The following CPEB1 variants were observed in gnomAD, a reference collection of about 807,000 sequenced individuals.
The protein encoded by CPEB1 is cytoplasmic polyadenylation element binding protein 1.
Under a neutral mutation model 65.8 loss-of-function variants are expected in CPEB1, and 7 were observed. That is an observed-to-expected ratio of 0.11 (90% CI 0.06 to 0.20). The LOEUF (loss-of-function observed/expected upper bound fraction) is 0.20, where lower values mean the gene tolerates loss of function less well. Ranked by LOEUF, CPEB1 falls within the 10% of genes least tolerant of loss-of-function variation. The pLI is 1.00. For missense variants in CPEB1, 551 were observed against 712.2 expected (o/e 0.77, Z 2.58); for synonymous variants, 262 against 260.0 (o/e 1.01, Z -0.08).
chr15:82,551,794 G>A (rs2036308598), intron 9 of CPEB1, among the ~76,000 whole-genome samples: 1 of 152,140 alleles, frequency 6.6e-6, no homozygotes, highest in South Asian at 2.1e-4. Context: ...ACCACCTGGG[G>A]ATCTTTATTC....
intron 4 of CPEB1, among the ~76,000 whole-genome samples, chr15:82,564,411 G>A (rs1474518661): frequency 1.3e-5 from 2 of 151,842 alleles, no homozygotes; most frequent in Non-Finnish European, 1.5e-5. Flanking sequence ...TCAGCCTCCC[G>A]AGTAGCTGGG....
chr15:82,551,810 G>A (rs999758966), intron 9 of CPEB1, among the ~76,000 whole-genome samples: 4 of 152,126 alleles, frequency 2.6e-5, no homozygotes, highest in Admixed American at 6.5e-5. Flanking sequence ...TATTCAGTTG[G>A]AGATTCCTAA....
intron 1 of CPEB1, chr15:82,638,533 G>T (rs2046847787): frequency 6.6e-6 from 1 of 152,124 alleles, no homozygotes; most frequent in Admixed American, 6.5e-5. Context: ...AACAAATAAA[G>T]TGAGCTATTT....
At chr15:82,574,107 A>G (rs1292486036) in intron 3 of CPEB1, among the ~76,000 whole-genome samples, 1 of 152,184 alleles carries the variant, frequency 6.6e-6, no homozygotes, top group Admixed American at 6.5e-5. Flanking sequence ...GGAGTTCTAC[A>G]CACAGTATAA....
chr15:82,553,804 A>C lies in CPEB1; in HGVS notation c.1054+74T>G. ...GGCAGGGCATTCAGCCCCTGGCCTC[A>C]ATTCCAAGTTTCATGCTCCTGAAAG... On this transcript the variant is annotated intron_variant, in intron 7 of 12. Transcript: ENST00000684509. 4.5e-6 allele frequency: 5 copies of C among 1,107,618 alleles called. No individual in the cohort carries two copies. In the South Asian group the frequency reaches 6.4e-5, roughly 14 times the overall value. The allele number at this position is 1,107,618 out of a possible 1,614,324, so 68.6% of individuals were successfully genotyped here.
At chr15:82,637,341 T>C (rs1380619030) in intron 1 of CPEB1, among the ~76,000 whole-genome samples, 1 of 152,200 alleles carries the variant, frequency 6.6e-6, no homozygotes, top group Non-Finnish European at 1.5e-5. Flanking sequence ...GGTATCCTTC[T>C]TCCTATTTAA....
chr15:82,591,714 A>C (rs578167330), intron 3 of CPEB1, among the ~76,000 whole-genome samples: 1 of 152,242 alleles, frequency 6.6e-6, no homozygotes, highest in South Asian at 2.1e-4. Flanking sequence ...AGCAACCATG[A>C]ATCTATTTTC....
intron 1 of CPEB1, among the ~76,000 whole-genome samples, chr15:82,642,050 G>A (rs1457829675): frequency 6.6e-6 from 1 of 152,180 alleles, no homozygotes; most frequent in Non-Finnish European, 1.5e-5. Flanking sequence ...CATCATACAT[G>A]TTTTAGTTCA....
chr15:82,546,986 C>A (rs973978193), intron 11 of CPEB1, among the ~76,000 whole-genome samples, 157 bp downstream of exon 11: 4 of 152,214 alleles, frequency 2.6e-5, no homozygotes, highest in Non-Finnish European at 5.9e-5. Context: ...CAAGCCCACT[C>A]CCAAACCCTA....
chr15:82,592,388 G>A (rs973519358), intron 3 of CPEB1, among the ~76,000 whole-genome samples: 2 of 151,696 alleles, frequency 1.3e-5, no homozygotes, highest in African/African-American at 2.4e-5. Context: ...ATGAGTTTGA[G>A]ACCAGCCTAG....
rs183365126 is a variant in CPEB1 at position 82,564,309 on chromosome 15, G to C, written c.461-6323C>G. 5.5e-3 allele frequency among the ~76,000 whole-genome samples: 841 copies of C among 151,894 alleles called. 8 individuals are homozygous for C. The highest frequency in any genetic ancestry group is 0.034 in the Middle Eastern group (10 of 294). On this transcript the variant is annotated intron_variant, in intron 4 of 12. Coordinates refer to ENST00000684509, the MANE Select transcript of CPEB1 (RefSeq NM_001365242.1). ...TTTTTGTTTTGTTTTTTTTTGAGAC[G>C]GAGTCTCGCTCTGTTGCCCAGGCTG... is the stretch of plus-strand genomic sequence containing the variant.
At chr15:82,602,259 C>G (rs1208820467) in intron 3 of CPEB1, among the ~76,000 whole-genome samples, 1 of 152,044 alleles carries the variant, frequency 6.6e-6, no homozygotes, top group Admixed American at 6.6e-5. Flanking sequence ...CCTCAGGGAC[C>G]AACAAGACAT....
chr15:82,625,835 C>G (rs1329852367), intron 3 of CPEB1, among the ~76,000 whole-genome samples: 2 of 152,046 alleles, frequency 1.3e-5, no homozygotes, highest in Non-Finnish European at 2.9e-5. Flanking sequence ...ACAACTGAAA[C>G]AGGCCAGGCA....
intron 4 of CPEB1, among the ~76,000 whole-genome samples, chr15:82,562,646 C>A (rs2038422794): frequency 6.6e-6 from 1 of 151,796 alleles, no homozygotes; most frequent in Admixed American, 6.6e-5. Context: ...TCAAGACCAC[C>A]CTGGACAACA....
chr15:82,625,774 T>C (rs1182249445), intron 3 of CPEB1, among the ~76,000 whole-genome samples: 1 of 152,222 alleles, frequency 6.6e-6, no homozygotes, highest in East Asian at 1.9e-4. Context: ...TTGTGGCTAA[T>C]TGTTTTCAAG....
At chr15:82,625,095 A>G (rs2045642960) in intron 3 of CPEB1, among the ~76,000 whole-genome samples, 1 of 152,204 alleles carries the variant, frequency 6.6e-6, no homozygotes, top group Non-Finnish European at 1.5e-5. Flanking sequence ...AGCCTTAATT[A>G]CAGGCTTAAG....
chr15:82,618,927 T>C (rs1347129475), intron 3 of CPEB1, among the ~76,000 whole-genome samples: 1 of 152,190 alleles, frequency 6.6e-6, no homozygotes, highest in African/African-American at 2.4e-5. Flanking sequence ...CAGTAGAACT[T>C]TGTGTATGTG....
At chr15:82,632,204 G>T (rs1222280091) in intron 1 of CPEB1, among the ~76,000 whole-genome samples, 1 of 151,936 alleles carries the variant, frequency 6.6e-6, no homozygotes, top group African/African-American at 2.4e-5. Context: ...GGATGGTCTT[G>T]ATCTCCTGAC....
chr15:82,646,830 T>TG (rs2047591235), intron 1 of CPEB1, among the ~76,000 whole-genome samples: 1 of 152,042 alleles, frequency 6.6e-6, no homozygotes, highest in African/African-American at 2.4e-5. Context: ...GACCCCTTTG[T>TG]GGGTGAGTCC....
Sources: allele counts gnomAD v4.1 joint callset (sites outside exome capture counted in the v4.1 genomes callset), GRCh38; gene constraint gnomAD v4.1.1; transcripts MANE v1.5; gene names NCBI Gene and HGNC (gene_info 2026-07-23, HGNC 2026-07-21).